Variants in LDB2 observed in about 807,000 individuals in gnomAD.
The protein encoded by LDB2 is LIM domain-binding protein 2.
Under a neutral mutation model 44.3 loss-of-function variants are expected in LDB2, and 12 were observed. The ratio of observed to expected loss-of-function variants is 0.27; its 90% confidence interval spans 0.17 to 0.44. The LOEUF is 0.44. LDB2 is among the 20% of genes least tolerant of loss of function. The pLI is 1.00. For missense variants in LDB2, 344 were observed against 473.5 expected, an observed-to-expected ratio of 0.73 and a Z score of 2.54; for synonymous variants, 164 against 174.8, an observed-to-expected ratio of 0.94 and a Z score of 0.49.
At chr4:16,635,587 T>C (rs1196084257) in intron 2 of LDB2, among the ~76,000 whole-genome samples, 1 of 152,220 alleles carries the variant, frequency 6.6e-6, no homozygotes, top group African/African-American at 2.4e-5. Context: ...CCTTAAGGAC[T>C]GTTGAAAGAT....
At chr4:16,591,253 G>C (rs1237837002) in intron 3 of LDB2, among the ~76,000 whole-genome samples, 1 of 152,190 alleles carries the variant, frequency 6.6e-6, no homozygotes, top group Admixed American at 6.5e-5. Flanking sequence ...TTCATAATGA[G>C]AAGGCATGTA....
At chr4:16,816,654 G>A (rs930821737) in intron 1 of LDB2, among the ~76,000 whole-genome samples, 11 of 151,766 alleles carry the variant, frequency 7.2e-5, no homozygotes, top group Non-Finnish European at 1.0e-4. Flanking sequence ...CAAGCGATCC[G>A]CCCGCCTTGG....
chr4:16,515,338 G>T (rs1025938671), intron 5 of LDB2, among the ~76,000 whole-genome samples: 1 of 152,178 alleles, frequency 6.6e-6, no homozygotes, highest in Admixed American at 6.5e-5. Flanking sequence ...CACTATTTGA[G>T]TGACGGTGTC....
chr4:16,770,675 G>A (rs759541775), intron 1 of LDB2, among the ~76,000 whole-genome samples: 8 of 152,056 alleles, frequency 5.3e-5, no homozygotes, highest in South Asian at 2.1e-4. Flanking sequence ...AGCTTTACTC[G>A]CTGCCTGTTG....
At chr4:16,814,468 A>G (rs1780537018) in intron 1 of LDB2, among the ~76,000 whole-genome samples, 1 of 152,166 alleles carries the variant, frequency 6.6e-6, no homozygotes, top group African/African-American at 2.4e-5. Context: ...TTGCTGCTAA[A>G]TCCTATCTGC....
chr4:16,841,669 C>A (rs1785917997), intron 1 of LDB2, among the ~76,000 whole-genome samples: 1 of 152,158 alleles, frequency 6.6e-6, no homozygotes, highest in Non-Finnish European at 1.5e-5. Context: ...AGATAGGATG[C>A]AGTATGTGCA....
At chr4:16,684,827 CT>C (rs1441015854) in intron 2 of LDB2, among the ~76,000 whole-genome samples, 2 of 152,178 alleles carry the variant, frequency 1.3e-5, no homozygotes, top group Non-Finnish European at 2.9e-5. Flanking sequence ...GGAAAACTTT[CT>C]CTGTGAGGGA....
intron 5 of LDB2, among the ~76,000 whole-genome samples, chr4:16,522,967 C>T (rs6828793): frequency 0.023 from 3,471 of 152,224 alleles, 136 homozygotes; most frequent in African/African-American, 0.078. Flanking sequence ...TTCTTATTGA[C>T]GAATTATTGT....
intron 5 of LDB2, among the ~76,000 whole-genome samples, chr4:16,550,510 A>AT (rs1206728943): frequency 6.6e-6 from 1 of 152,214 alleles, no homozygotes. Flanking sequence ...TTTCCAAGAC[A>AT]TTTTCCCTTA....
chr4:16,804,343 GAAAC>G (rs879871271), intron 1 of LDB2, among the ~76,000 whole-genome samples: 3 of 152,092 alleles, frequency 2.0e-5, no homozygotes, highest in East Asian at 1.9e-4. Context: ...GAAAAAGACA[GAAAC>G]AAACAAAATT....
At chr4:16,846,130 A>AG (rs5856390) in intron 1 of LDB2, among the ~76,000 whole-genome samples, 1 of 151,082 alleles carries the variant, frequency 6.6e-6, no homozygotes, top group Non-Finnish European at 1.5e-5. Context: ...AAAAAAAAAA[A>AG]GTTAATAAGT....
rs776292098 is a variant in LDB2 at position 16,595,707 on chromosome 4, G to A, written c.404C>T (p.Thr135Ile). 7 of 1,613,102 alleles carry A rather than the reference G, an allele frequency of 4.3e-6. No individual in the cohort carries two copies. The highest frequency in any genetic ancestry group is 5.1e-6 in the Non-Finnish European group (6 of 1,179,604). ...GTGACAGAGCCTGTCCTGTACCTTGGTAAACATGGGCTTCCCGTGCTGGGT... is the reference window on the plus strand; with the variant it reads ...GTGACAGAGCCTGTCCTGTACCTTGATAAACATGGGCTTCCCGTGCTGGGT... ...MVTQHGKPMF[T>I]KVCTEGRLIL... The change falls in exon 3 of 8, where the codon ACC (threonine) becomes ATC (isoleucine). Residue 135 changes from threonine to isoleucine, a missense_variant. This residue lies in a region of LDB2 where 226 missense variants were observed against 270.1 expected (regional missense o/e 0.84). Coordinates refer to ENST00000304523, the MANE Select transcript of LDB2 (RefSeq NM_001290.5).
chr4:16,845,926 G>A (rs943222779), intron 1 of LDB2, among the ~76,000 whole-genome samples: 3 of 152,008 alleles, frequency 2.0e-5, no homozygotes, highest in African/African-American at 7.3e-5. Flanking sequence ...TGGCCAACAT[G>A]GAGAAACCCC....
chr4:16,848,613 G>T (rs1428563615), intron 1 of LDB2, among the ~76,000 whole-genome samples: 1 of 152,166 alleles, frequency 6.6e-6, no homozygotes, highest in Non-Finnish European at 1.5e-5. Context: ...AGCAGAAGCT[G>T]CAGCGTCATA....
intron 2 of LDB2, among the ~76,000 whole-genome samples, chr4:16,633,101 G>A (rs1475065870): frequency 2.0e-5 from 3 of 152,088 alleles, no homozygotes; most frequent in Non-Finnish European, 2.9e-5. Flanking sequence ...GGAATACTAC[G>A]CAGCCATAAA....
In LDB2 at chr4:16,517,976, C is replaced by T. The variant is rs544540130; in HGVS notation, c.616-5872G>A. Among the ~76,000 whole-genome samples, 4 of 152,246 alleles carry T rather than the reference C, an allele frequency of 2.6e-5. No individual in the cohort carries two copies. In the South Asian group the frequency reaches 6.2e-4, roughly 24 times the overall value. On this transcript the variant is annotated intron_variant, in intron 5 of 7. Coordinates refer to ENST00000304523, the MANE Select transcript of LDB2 (RefSeq NM_001290.5). ...ATAGCAAGGAGTCATTTGTTAATGA[C>T]AGACAAATCAGGCATGGTCCTGTGT...
intron 5 of LDB2, among the ~76,000 whole-genome samples, chr4:16,577,830 G>A: frequency 6.6e-6 from 1 of 152,052 alleles, no homozygotes; most frequent in Non-Finnish European, 1.5e-5. Flanking sequence ...CAGAGATATA[G>A]TAACTAAAAC....
chr4:16,681,078 A>T (rs1245028780), intron 2 of LDB2, among the ~76,000 whole-genome samples: 2 of 152,244 alleles, frequency 1.3e-5, no homozygotes, highest in Middle Eastern at 3.2e-3. Flanking sequence ...ATGAAATCCC[A>T]AATCAGCAGT....
chr4:16,683,166 C>A (rs1748382913), intron 2 of LDB2, among the ~76,000 whole-genome samples: 1 of 152,142 alleles, frequency 6.6e-6, no homozygotes, highest in Admixed American at 6.5e-5. Context: ...TTTAAACAAT[C>A]CATTACAAAA....
Sources: allele counts gnomAD v4.1 joint callset (sites outside exome capture counted in the v4.1 genomes callset), GRCh38; gene constraint gnomAD v4.1.1; regional missense constraint gnomAD v4.1.1; transcripts MANE v1.5; gene names NCBI Gene and HGNC (gene_info 2026-07-23, HGNC 2026-07-21).